NPHP3: variants seen among roughly 807,000 people sequenced by gnomAD.
The protein encoded by NPHP3 is nephrocystin 3, also known as nephrocystin-3.
Under a neutral mutation model 171.9 loss-of-function variants are expected in NPHP3, and 123 were observed. That is an observed-to-expected ratio of 0.72 (90% CI 0.62 to 0.83). The LOEUF (loss-of-function observed/expected upper bound fraction) is 0.83. Ranked by LOEUF, NPHP3 falls within the 40% of genes least tolerant of loss-of-function variation. NPHP3 has a pLI of 0.00. For synonymous variants in NPHP3, 558 were observed against 579.2 expected (o/e 0.96, Z 0.52); for missense variants, 1,506 against 1,591.9 (o/e 0.95, Z 0.92).
At chr3:132,721,600 T>G (rs1212160127) in intron 1 of NPHP3, 1 of 384,740 alleles carries the variant, frequency 2.6e-6, no homozygotes, top group Non-Finnish European at 5.0e-6. Flanking sequence ...CAGGACACTT[T>G]CCGGCTAATT....
intron 18 of NPHP3, 85 bp from the exon 19 acceptor site, chr3:132,690,735 A>C: frequency 7.3e-7 from 1 of 1,361,058 alleles, no homozygotes; most frequent in Non-Finnish European, 1.0e-6. Context: ...CAAAGGAAGA[A>C]AAATATTTAA....
intron 19 of NPHP3, among the ~76,000 whole-genome samples, chr3:132,690,022 T>C (rs922518187): frequency 3.1e-4 from 47 of 152,338 alleles, no homozygotes; most frequent in African/African-American, 1.1e-3. Flanking sequence ...AAGGTAGTTC[T>C]GCCACTGACA....
At chr3:132,698,201 G>C (rs1398493053) in intron 13 of NPHP3, among the ~76,000 whole-genome samples, 4 of 152,044 alleles carry the variant, frequency 2.6e-5, no homozygotes, top group Non-Finnish European at 4.4e-5. Context: ...GGCTGGTCTT[G>C]AACTCCTGAC....
intron 6 of NPHP3, among the ~76,000 whole-genome samples, chr3:132,711,253 G>A (rs1939901725): frequency 6.6e-6 from 1 of 152,028 alleles, no homozygotes; most frequent in Non-Finnish European, 1.5e-5. Flanking sequence ...CTCTTGACAG[G>A]CATGAAAGAA....
intron 1 of NPHP3, among the ~76,000 whole-genome samples, chr3:132,720,626 T>C (rs2108004888): frequency 6.6e-6 from 1 of 152,170 alleles, no homozygotes; most frequent in East Asian, 1.9e-4. Flanking sequence ...CGACAATAAT[T>C]ACACAACAGC....
intron 1 of NPHP3, chr3:132,721,737 G>A (rs756591541): frequency 8.8e-5 from 62 of 707,380 alleles, no homozygotes; most frequent in Non-Finnish European, 1.3e-5. Context: ...GGAGTTCCAG[G>A]TTGCAGTGAG....
rs928075551 is a variant in NPHP3, at chr3:132,687,283, G to A, written c.3126-57C>T. On this transcript the variant is annotated intron_variant, in intron 21 of 26. Coordinates refer to ENST00000337331, the MANE Select transcript of NPHP3 (RefSeq NM_153240.5). ...AGAAACATATTCAAAGTATACTTCA[G>A]TGAAATGAAAGCACTCTTTTCATAG... is the stretch of plus-strand genomic sequence containing the variant. The A allele has an allele frequency of 8.8e-6, 7 of 797,452 alleles. No individual in the cohort carries two copies. In the East Asian group the frequency reaches 1.8e-4, roughly 20 times the overall value. 49.4% of individuals were successfully genotyped at this position (797,452 alleles called of 1,614,324 possible). A position where few individuals can be genotyped will look rare whatever the true frequency, so the allele number is the denominator to read the frequency against.
intron 6 of NPHP3, among the ~76,000 whole-genome samples, chr3:132,711,643 T>C (rs1178134306): frequency 2.0e-5 from 3 of 152,006 alleles, no homozygotes; most frequent in Admixed American, 6.6e-5. Context: ...AACAAAATGG[T>C]TTTATGGATC....
intron 3 of NPHP3, chr3:132,717,359 C>A (rs1279302764): frequency 6.0e-6 from 1 of 167,184 alleles, no homozygotes; most frequent in African/African-American, 2.4e-5. Flanking sequence ...GAAGTACCTC[C>A]TTCTCAACCT....
chr3:132,705,088 C>T (rs2107986725), intron 8 of NPHP3, among the ~76,000 whole-genome samples: 1 of 152,280 alleles, frequency 6.6e-6, no homozygotes, highest in Admixed American at 6.5e-5. Flanking sequence ...TGTGGGCAAC[C>T]ACAGGCTAAA....
At chr3:132,712,284 T>C (rs1406034383) in intron 6 of NPHP3, among the ~76,000 whole-genome samples, 1 of 152,210 alleles carries the variant, frequency 6.6e-6, no homozygotes. Flanking sequence ...GTAAAATACA[T>C]AGTTCAAATA....
intron 13 of NPHP3, among the ~76,000 whole-genome samples, chr3:132,698,911 G>C (rs1939529778): frequency 6.6e-6 from 1 of 150,698 alleles, no homozygotes; most frequent in Admixed American, 6.6e-5. Flanking sequence ...TTTTTTTTTG[G>C]AGACAGGGTC....
At chr3:132,720,013 C>A (rs1940164867) in intron 1 of NPHP3, among the ~76,000 whole-genome samples, 183 bp from the exon 2 acceptor site, 2 of 151,970 alleles carry the variant, frequency 1.3e-5, no homozygotes, top group South Asian at 2.1e-4. Context: ...TGGAAAAAAA[C>A]CGCAACCATG....
At chr3:132,719,509 C>T (rs1201177124) in intron 2 of NPHP3, among the ~76,000 whole-genome samples, 196 bp downstream of exon 2, 3 of 152,058 alleles carry the variant, frequency 2.0e-5, no homozygotes, top group Admixed American at 6.6e-5. Flanking sequence ...CACTTTCATA[C>T]GTTTTTCTTT....
In NPHP3 at chr3:132,689,844, T is replaced by C. The variant is rs534883919; in HGVS notation, c.2694-581A>G. ...AAAATATCTGATTTCAAAGGAATCATGAAAAATTGGAATGGAGATCAGAAA... is the reference window on the plus strand; with the variant it reads ...AAAATATCTGATTTCAAAGGAATCACGAAAAATTGGAATGGAGATCAGAAA... On this transcript the variant is annotated intron_variant, in intron 19 of 26. Transcript: ENST00000337331. Among the ~76,000 whole-genome samples, 4 of 152,238 alleles carry C rather than the reference T, an allele frequency of 2.6e-5. No homozygotes were observed. The South Asian group carries it at 6.2e-4, about 24-fold the overall frequency.
intron 6 of NPHP3, 123 bp from the exon 7 acceptor site, chr3:132,708,380 T>A: frequency 2.2e-6 from 2 of 909,586 alleles, no homozygotes; most frequent in South Asian, 2.8e-5. Context: ...AAGGTCCAAC[T>A]GCACAACAAG....
At chr3:132,710,124 C>T (rs1255376964) in intron 6 of NPHP3, among the ~76,000 whole-genome samples, 2 of 152,130 alleles carry the variant, frequency 1.3e-5, no homozygotes, top group African/African-American at 4.8e-5. Context: ...GATAGTATAA[C>T]AGGCCAGCTA....
At chr3:132,702,354 T>C (rs75789016) in intron 9 of NPHP3, among the ~76,000 whole-genome samples, 6,129 of 152,210 alleles carry the variant, frequency 0.04, 249 homozygotes, top group African/African-American at 0.098. Context: ...CCCAATCTGC[T>C]CAAGACAATC....
Position 132,694,930 on chromosome 3 carries a change from T to C in NPHP3, c.2207A>G (p.His736Arg), listed in dbSNP as rs1560005472. ...GRAGNLDKIL[H>R]QCFQCQDTLS... Reference sequence around the variant, plus strand: ...AGTATCTTGACACTGGAAACACTGATGAAGGATTTTATCTAAATTGCCTGC... The same window carrying C: ...AGTATCTTGACACTGGAAACACTGACGAAGGATTTTATCTAAATTGCCTGC... The change falls in exon 16 of 27, where the codon CAT becomes CGT. Residue 736 changes from histidine (H) to arginine (R), a missense_variant. Physicochemically the swap from His to Arg is conservative, Grantham distance 29. Around this residue, in one of 3 missense-constraint regions of NPHP3, gnomAD observed 930 missense variants for 924.9 expected, o/e 1.01. Transcript: ENST00000337331. 2 of 1,613,890 alleles carry C rather than the reference T, an allele frequency of 1.2e-6. No homozygotes were observed. The highest frequency in any genetic ancestry group is 2.2e-5 in the South Asian group (2 of 91,080).
Sources: gnomAD v4.1 joint callset for allele counts (sites outside exome capture counted in the v4.1 genomes callset) on GRCh38, gnomAD v4.1.1 for gene constraint, gnomAD v4.1.1 regional missense constraint, MANE v1.5 for transcripts, NCBI Gene and HGNC (gene_info 2026-07-23, HGNC 2026-07-21) for gene names.